NR2C2: variants seen among roughly 807,000 people sequenced by gnomAD.
NR2C2 encodes Nuclear hormone receptor TR4.
NR2C2 carries 6 observed loss-of-function variants against 62.9 expected under a neutral mutation model. The ratio of observed to expected loss-of-function variants is 0.10; its 90% confidence interval spans 0.05 to 0.19. The LOEUF (loss-of-function observed/expected upper bound fraction) is 0.19. Ranked by LOEUF, NR2C2 falls within the 10% of genes least tolerant of loss-of-function variation. The pLI is 1.00. For synonymous variants in NR2C2, 272 were observed against 273.8 expected (o/e 0.99, Z 0.07); for missense variants, 479 against 762.7 (o/e 0.63, Z 4.38).
Position 15,048,948 on chromosome 3 carries a change from T to C in NR2C2, c.*5940T>C, listed in dbSNP as rs973415542. The C allele has an allele frequency of 2.6e-5, 4 of 152,672 alleles. No individual in the cohort carries two copies. Among genetic ancestry groups the C allele is most frequent in the Admixed American group, 2.0e-4 (3 of 15,284 alleles). The allele number at this position is 152,672 out of a possible 1,614,324, so 9.5% of individuals were successfully genotyped here. On this transcript the variant is annotated 3_prime_UTR_variant, in exon 14 of 14. Transcript: ENST00000425241. ...TTTGCCCTTCACAATATAGAAAATA[T>C]TGGTTTTGCCATTACATTTTAATGC... is the stretch of plus-strand genomic sequence containing the variant.
chr3:15,041,056 G>A (rs934262477), intron 13 of NR2C2, among the ~76,000 whole-genome samples: 4 of 152,164 alleles, frequency 2.6e-5, no homozygotes, highest in African/African-American at 9.7e-5. Flanking sequence ...AGGGACCCAG[G>A]GTTGGGTAGG....
At chr3:14,970,500 C>T (rs2040005300) in intron 1 of NR2C2, among the ~76,000 whole-genome samples, 1 of 152,118 alleles carries the variant, frequency 6.6e-6, no homozygotes, top group Non-Finnish European at 1.5e-5. Context: ...CCTCATTCCC[C>T]TAGCCTTTGG....
intron 1 of NR2C2, among the ~76,000 whole-genome samples, chr3:14,951,705 C>T (rs7625522): frequency 0.39 from 59,617 of 151,808 alleles, 14,696 homozygotes; most frequent in African/African-American, 0.7. Context: ...AATCCCTGTG[C>T]GTAACAACCT....
chr3:15,020,634 C>T, intron 4 of NR2C2, 119 bp from the exon 5 acceptor site: 1 of 1,141,716 alleles, frequency 8.8e-7, no homozygotes, highest in Non-Finnish European at 1.3e-6. Context: ...CTGTTGGCAT[C>T]TAACAGTGTA....
At chr3:15,013,246 G>A (rs2041405960) in intron 2 of NR2C2, among the ~76,000 whole-genome samples, 1 of 152,196 alleles carries the variant, frequency 6.6e-6, no homozygotes, top group African/African-American at 2.4e-5. Context: ...TTTCAAAAGA[G>A]TTAGGATTGC....
At position 15,048,864 on chromosome 3, in the gene NR2C2, CATCT is replaced by C. The variant is rs995813793; in HGVS notation, c.*5864_*5867del. ...ACTGCATTACCAGCCCTTTTAAAGG[CATCT>C]ATCTATCAAAGGAAAATTTGGGTGT... On this transcript the variant is annotated 3_prime_UTR_variant, in exon 14 of 14. Coordinates refer to ENST00000425241, the MANE Select transcript of NR2C2 (RefSeq NM_001291694.2). 1.6e-4 allele frequency: 24 copies of C among 152,758 alleles called. No individual in the cohort carries two copies. Among genetic ancestry groups the C allele is most frequent in the African/African-American group, 5.3e-4 (22 of 41,578 alleles). 9.5% of individuals were successfully genotyped at this position (152,758 alleles called of 1,614,324 possible).
At chr3:14,952,085 G>C (rs887883354) in intron 1 of NR2C2, among the ~76,000 whole-genome samples, 4 of 152,226 alleles carry the variant, frequency 2.6e-5, no homozygotes, top group African/African-American at 9.7e-5. Flanking sequence ...GGAGTAACAT[G>C]GCAAGGGCAG....
At chr3:14,983,181 G>C (rs1459944046) in intron 1 of NR2C2, among the ~76,000 whole-genome samples, 1 of 151,786 alleles carries the variant, frequency 6.6e-6, no homozygotes, top group Non-Finnish European at 1.5e-5. Flanking sequence ...TTACGCTGTA[G>C]TGCTATCAAA....
At chr3:15,019,240 A>G (rs559188897) in intron 4 of NR2C2, among the ~76,000 whole-genome samples, 24 of 152,004 alleles carry the variant, frequency 1.6e-4, no homozygotes, top group African/African-American at 5.8e-4. Flanking sequence ...AAAGAAAAGA[A>G]AAAATGTCTA....
In NR2C2 at chr3:15,043,060, C is replaced by T; in HGVS notation, c.*52C>T. The T allele has an allele frequency of 1.3e-6, 2 of 1,518,090 alleles. No homozygotes were observed. Among genetic ancestry groups the T allele is most frequent in the Non-Finnish European group, 8.9e-7 (1 of 1,124,752 alleles). The allele number at this position is 1,518,090 out of a possible 1,614,324, so 94.0% of individuals were successfully genotyped here. Reference sequence around the variant, plus strand: ...AACAGAATCCTTCCAGGACCGTTCACATACAAAGAAAAGTAGTGGTATTTT... The same window carrying T: ...AACAGAATCCTTCCAGGACCGTTCATATACAAAGAAAAGTAGTGGTATTTT... On this transcript the variant is annotated 3_prime_UTR_variant, in exon 14 of 14. Coordinates refer to ENST00000425241, the MANE Select transcript of NR2C2 (RefSeq NM_001291694.2).
chr3:15,019,759 G>GA (rs1299689903), intron 4 of NR2C2, among the ~76,000 whole-genome samples: 1 of 152,114 alleles, frequency 6.6e-6, no homozygotes, highest in African/African-American at 2.4e-5. Context: ...CTCAGGAGGG[G>GA]AAAAGTGAGA....
intron 4 of NR2C2, among the ~76,000 whole-genome samples, chr3:15,016,968 A>C (rs558857509): frequency 6.8e-4 from 104 of 152,228 alleles, no homozygotes; most frequent in Non-Finnish European, 1.1e-3. Flanking sequence ...TGAGGCAGAC[A>C]GGAAGGAATG....
At chr3:15,007,281 C>G (rs1192059871) in intron 2 of NR2C2, among the ~76,000 whole-genome samples, 1 of 152,030 alleles carries the variant, frequency 6.6e-6, no homozygotes, top group African/African-American at 2.4e-5. Context: ...GTGCTCGCCA[C>G]CACACCTGGC....
rs909270149 is a variant in NR2C2, at chr3:15,044,361, G to A, written c.*1353G>A. The A allele has an allele frequency of 2.6e-5, 4 of 152,204 alleles. No individual in the cohort carries two copies. Among genetic ancestry groups the A allele is most frequent in the Admixed American group, 2.0e-4 (3 of 15,278 alleles). The allele number at this position is 152,204 out of a possible 1,614,324, so 9.4% of individuals were successfully genotyped here. A position where few individuals can be genotyped will look rare whatever the true frequency, so the allele number is the denominator to read the frequency against. On this transcript the variant is annotated 3_prime_UTR_variant, in exon 14 of 14. Coordinates refer to ENST00000425241, the MANE Select transcript of NR2C2 (RefSeq NM_001291694.2). Reference sequence around the variant, plus strand: ...ACCACCCCGGAGCATTTTAAATGCAGGCTGCTTGCTCCTTAAAAACAACCC... The same window carrying A: ...ACCACCCCGGAGCATTTTAAATGCAAGCTGCTTGCTCCTTAAAAACAACCC...
At chr3:15,013,500 T>C (rs1196836904) in intron 2 of NR2C2, 89 bp from the exon 3 acceptor site, 1 of 1,105,808 alleles carries the variant, frequency 9.0e-7, no homozygotes, top group East Asian at 2.5e-5. Flanking sequence ...CAAGGACTGG[T>C]TTTTGGCAGT....
At chr3:14,967,722 A>C (rs2039897899) in intron 1 of NR2C2, among the ~76,000 whole-genome samples, 1 of 152,196 alleles carries the variant, frequency 6.6e-6, no homozygotes, top group Admixed American at 6.5e-5. Context: ...TTAAGCATTT[A>C]AGATTTCCCA....
intron 1 of NR2C2, among the ~76,000 whole-genome samples, chr3:14,970,091 A>G (rs1232064744): frequency 6.6e-6 from 1 of 152,154 alleles, no homozygotes; most frequent in African/African-American, 2.4e-5. Flanking sequence ...CCAATACAAT[A>G]TTAGGCTTAA....
Position 15,029,037 on chromosome 3 carries a change from T to C in NR2C2, c.932+318T>C, listed in dbSNP as rs185155668. On this transcript the variant is annotated intron_variant, in intron 8 of 13. Coordinates refer to ENST00000425241, the MANE Select transcript of NR2C2 (RefSeq NM_001291694.2). ...ATTAATTACTGTTTAATAATGCGTC[T>C]GCATATTAAGAGTTCATTCCCTTTC... Among the ~76,000 whole-genome samples the C allele has an allele frequency of 1.1e-4, 17 of 152,286 alleles. No individual in the cohort carries two copies. In the East Asian group the frequency reaches 3.3e-3, roughly 29 times the overall value.
chr3:14,999,017 A>C (rs997831340), intron 1 of NR2C2, among the ~76,000 whole-genome samples: 40 of 152,134 alleles, frequency 2.6e-4, no homozygotes, highest in African/African-American at 5.8e-4. Context: ...CAAAAAACAA[A>C]AAAAAAATTT....
Sources: gnomAD v4.1 joint callset for allele counts (sites outside exome capture counted in the v4.1 genomes callset) on GRCh38, gnomAD v4.1.1 for gene constraint, MANE v1.5 for transcripts, NCBI Gene and HGNC (gene_info 2026-07-23, HGNC 2026-07-21) for gene names.